Variants in DIAPH1 observed in about 807,000 individuals in gnomAD.
The protein encoded by DIAPH1 is diaphanous related formin 1.
A neutral mutation model predicts 140.7 loss-of-function variants in DIAPH1; 46 were observed. That is an observed-to-expected ratio of 0.33 (90% CI 0.26 to 0.42). DIAPH1 has a LOEUF of 0.42. Ranked by LOEUF, DIAPH1 falls within the 10% of genes least tolerant of loss-of-function variation. DIAPH1 has a pLI of 1.00. For synonymous variants in DIAPH1, 565 were observed against 551.6 expected (o/e 1.02, Z -0.34); for missense variants, 1,310 against 1,558.7 (o/e 0.84, Z 2.69).
intron 18 of DIAPH1, among the ~76,000 whole-genome samples, chr5:141,535,287 AT>A (rs2099888845): frequency 6.6e-6 from 1 of 152,080 alleles, no homozygotes; most frequent in Non-Finnish European, 1.5e-5. Context: ...CTCTAAAAAA[AT>A]TTTGTTTTCT....
At chr5:141,607,862 T>G (rs1464353608) in intron 1 of DIAPH1, among the ~76,000 whole-genome samples, 1 of 152,086 alleles carries the variant, frequency 6.6e-6, no homozygotes, top group Middle Eastern at 3.2e-3. Flanking sequence ...GAAGCTAAGT[T>G]AACACTGCCC....
Position 141,575,125 on chromosome 5 carries a change from G to A in DIAPH1, c.1483C>T (p.Arg495Ter). 1.9e-6 allele frequency: 3 copies of A among 1,614,074 alleles called. No homozygotes were observed. Among genetic ancestry groups the A allele is most frequent in the South Asian group, 1.1e-5 (1 of 91,066 alleles). Residue 495 changes from arginine (R) to a stop codon, truncating the protein, a stop_gained, in exon 15 of 28, where the codon CGA becomes TGA. Coordinates refer to ENST00000389054, the MANE Select transcript of DIAPH1 (RefSeq NM_005219.5). LOFTEE classifies it high-confidence loss of function. ...TTCATTTCCACCTGTAGCTCATGTCGGGCTGTTAACTCTGAGTCCAACTAG... is the reference window on the plus strand; with the variant it reads ...TTCATTTCCACCTGTAGCTCATGTCAGGCTGTTAACTCTGAGTCCAACTAG... ...EKKLDSELTA[R>*]HELQVEMKKM...
intron 23 of DIAPH1, among the ~76,000 whole-genome samples, 199 bp downstream of exon 23, chr5:141,528,254 G>A (rs1399920248): frequency 2.0e-5 from 3 of 152,184 alleles, no homozygotes. Flanking sequence ...GGAAGAGAAA[G>A]AGTGCTTCCT....
chr5:141,611,064 T>C (rs1055065066), intron 1 of DIAPH1, among the ~76,000 whole-genome samples: 1 of 151,402 alleles, frequency 6.6e-6, no homozygotes, highest in African/African-American at 2.4e-5. Flanking sequence ...GCACTCCAGA[T>C]TGGGTGACAG....
At chr5:141,558,279 G>GA (rs1352248690) in intron 18 of DIAPH1, 2 of 152,130 alleles carry the variant, frequency 1.3e-5, no homozygotes, top group Non-Finnish European at 2.9e-5. Flanking sequence ...TAGTTTCTAG[G>GA]AGACAACAGA....
At chr5:141,548,983 G>A (rs897339133) in intron 18 of DIAPH1, among the ~76,000 whole-genome samples, 28 of 152,198 alleles carry the variant, frequency 1.8e-4, no homozygotes, top group African/African-American at 6.7e-4. Flanking sequence ...AAATAATACA[G>A]TTCTAAATTA....
chr5:141,567,300 T>C (rs1463247035), intron 18 of DIAPH1, among the ~76,000 whole-genome samples: 1 of 152,168 alleles, frequency 6.6e-6, no homozygotes, highest in Non-Finnish European at 1.5e-5. Context: ...GACAGTGAGA[T>C]GACAACCTGG....
At position 141,571,623 on chromosome 5, in the gene DIAPH1, A is replaced by G. The variant is rs148327446; in HGVS notation, c.2474-187T>C. On this transcript the variant is annotated intron_variant, in intron 17 of 27. Transcript: ENST00000389054. Reference sequence around the variant, plus strand: ...GGAAACTGCACCTTAAGGCAGTGCCAGAATCTGTTCAAAAGTATCAAAATG... The same window carrying G: ...GGAAACTGCACCTTAAGGCAGTGCCGGAATCTGTTCAAAAGTATCAAAATG... 3.8e-3 allele frequency among the ~76,000 whole-genome samples: 581 copies of G among 152,342 alleles called. 5 individuals are homozygous for G. The highest frequency in any genetic ancestry group is 0.011 in the Admixed American group (167 of 15,302).
rs554122444 is a variant in DIAPH1, at chr5:141,568,811, C to T, written c.2482+2617G>A. ...AAATAGCAGAGTTGTGTTTAGCAAGCAAGAGAGGAAATAATGCAATATGAT... is the reference window on the plus strand; with the variant it reads ...AAATAGCAGAGTTGTGTTTAGCAAGTAAGAGAGGAAATAATGCAATATGAT... On this transcript the variant is annotated intron_variant, in intron 18 of 27. Coordinates refer to ENST00000389054, the MANE Select transcript of DIAPH1 (RefSeq NM_005219.5). Among the ~76,000 whole-genome samples, 3 of 152,120 alleles carry T rather than the reference C, an allele frequency of 2.0e-5. No homozygotes were observed. The South Asian group carries it at 6.2e-4, about 32-fold the overall frequency.
chr5:141,586,422 G>A (rs897602157), intron 3 of DIAPH1, among the ~76,000 whole-genome samples: 5 of 152,276 alleles, frequency 3.3e-5, no homozygotes, highest in African/African-American at 7.2e-5. Context: ...CAATATACAG[G>A]TCTTAGGAAA....
intron 1 of DIAPH1, 97 bp downstream of exon 1, chr5:141,618,700 CG>C: frequency 1.3e-6 from 1 of 776,644 alleles, no homozygotes; most frequent in Non-Finnish European, 2.1e-6. Flanking sequence ...GGCGCGGGGG[CG>C]GCTCCCCAAA....
intron 6 of DIAPH1, 76 bp downstream of exon 6, chr5:141,583,130 C>T (rs941050836): frequency 1.2e-5 from 16 of 1,286,928 alleles, no homozygotes; most frequent in African/African-American, 4.4e-5. Flanking sequence ...TTAACTGCTA[C>T]TTTCTCCTTC....
chr5:141,562,507 C>A (rs918122518), intron 18 of DIAPH1, among the ~76,000 whole-genome samples: 3 of 151,136 alleles, frequency 2.0e-5, no homozygotes, highest in Non-Finnish European at 4.4e-5. Flanking sequence ...AAATGGTTAC[C>A]TCTAGAAGGT....
At chr5:141,551,720 G>C (rs1376292885) in intron 18 of DIAPH1, among the ~76,000 whole-genome samples, 1 of 152,148 alleles carries the variant, frequency 6.6e-6, no homozygotes, top group African/African-American at 2.4e-5. Flanking sequence ...TCCATAAAGT[G>C]AGATATTTTG....
intron 1 of DIAPH1, among the ~76,000 whole-genome samples, chr5:141,617,161 T>C (rs140254638): frequency 3.6e-4 from 54 of 150,882 alleles, no homozygotes; most frequent in African/African-American, 1.3e-3. Context: ...AGAAGGAATA[T>C]GAGCCCTAGA....
intron 18 of DIAPH1, among the ~76,000 whole-genome samples, chr5:141,567,340 A>T (rs905958504): frequency 3.3e-5 from 5 of 152,150 alleles, no homozygotes; most frequent in Non-Finnish European, 7.3e-5. Flanking sequence ...CCATGTGAAG[A>T]AGTTCTGGAA....
chr5:141,582,887 G>A (rs2099896986), intron 6 of DIAPH1, among the ~76,000 whole-genome samples: 1 of 152,084 alleles, frequency 6.6e-6, no homozygotes, highest in South Asian at 2.1e-4. Flanking sequence ...CTTCCAAATG[G>A]ATATTACCCA....
chr5:141,544,663 A>G (rs2154595468), intron 18 of DIAPH1, among the ~76,000 whole-genome samples: 1 of 152,350 alleles, frequency 6.6e-6, no homozygotes, highest in South Asian at 2.1e-4. Context: ...TAGGAATTAA[A>G]CTCATTAGGA....
chr5:141,602,181 C>G (rs2099900247), intron 1 of DIAPH1, among the ~76,000 whole-genome samples: 1 of 152,058 alleles, frequency 6.6e-6, no homozygotes, highest in Admixed American at 6.5e-5. Context: ...ATCTTGAATT[C>G]AGTTACCATT....
Sources: gnomAD v4.1 joint callset for allele counts (sites outside exome capture counted in the v4.1 genomes callset) on GRCh38, gnomAD v4.1.1 for gene constraint, MANE v1.5 for transcripts, NCBI Gene and HGNC (gene_info 2026-07-23, HGNC 2026-07-21) for gene names.